Variants in STK32A observed in about 807,000 individuals in gnomAD.
STK32A encodes serine/threonine kinase 32A.
STK32A carries 41 observed loss-of-function variants against 53.2 expected under a neutral mutation model. That is an observed-to-expected ratio of 0.77 (90% CI 0.60 to 1.00). The LOEUF (loss-of-function observed/expected upper bound fraction) is 1.00, where lower values mean the gene tolerates loss of function less well. STK32A is among the 50% of genes least tolerant of loss of function. The pLI is 0.00. For synonymous variants in STK32A, 166 were observed against 162.8 expected, an observed-to-expected ratio of 1.02 and a Z score of -0.15; for missense variants, 458 against 485.8, an observed-to-expected ratio of 0.94 and a Z score of 0.54.
At chr5:147,383,636 A>C (rs1581160882) in intron 12 of STK32A, 131 bp downstream of exon 12, 20 of 883,632 alleles carry the variant, frequency 2.3e-5, no homozygotes, top group Non-Finnish European at 3.4e-5. Flanking sequence ...GCAATCTATT[A>C]TAGAAAATGT....
At chr5:147,372,269 C>CTT (rs71274369) in intron 9 of STK32A, among the ~76,000 whole-genome samples, 2,017 of 49,448 alleles carry the variant, frequency 0.041, 292 homozygotes, top group East Asian at 0.12. Context: ...TGGGCTTGGC[C>CTT]TTTTTTTTTT....
chr5:147,253,839 AG>A (rs1754106468), intron 2 of STK32A, among the ~76,000 whole-genome samples: 1 of 152,212 alleles, frequency 6.6e-6, no homozygotes, highest in Non-Finnish European at 1.5e-5. Context: ...AGTGCTTAGA[AG>A]GCAAACGTAT....
intron 5 of STK32A, among the ~76,000 whole-genome samples, chr5:147,327,150 CTTTG>C (rs929234978): frequency 6.6e-6 from 1 of 152,108 alleles, no homozygotes; most frequent in African/African-American, 2.4e-5. Context: ...GCAGTGATCC[CTTTG>C]TTTAAGGAAT....
intron 2 of STK32A, among the ~76,000 whole-genome samples, chr5:147,254,820 T>A (rs1483827467): frequency 1.3e-5 from 2 of 151,796 alleles, no homozygotes; most frequent in African/African-American, 4.8e-5. Context: ...ATCAAAAAGG[T>A]TGCTTTATGA....
chr5:147,376,628 C>A (rs1198229188), intron 11 of STK32A, among the ~76,000 whole-genome samples: 1 of 152,116 alleles, frequency 6.6e-6, no homozygotes. Flanking sequence ...CCACTCTGAC[C>A]CTCACTTAAA....
chr5:147,358,259 T>G (rs966946610), intron 7 of STK32A, among the ~76,000 whole-genome samples: 3 of 152,146 alleles, frequency 2.0e-5, no homozygotes, highest in African/African-American at 7.2e-5. Flanking sequence ...ACTCACCAGA[T>G]TGGCAATAAA....
At chr5:147,311,992 G>T (rs1276375209) in intron 4 of STK32A, among the ~76,000 whole-genome samples, 1 of 152,224 alleles carries the variant, frequency 6.6e-6, no homozygotes. Context: ...TTGTCAAGGA[G>T]AGGCCAGGAA....
chr5:147,239,089 C>A (rs1445761301), intron 1 of STK32A, among the ~76,000 whole-genome samples: 1 of 152,126 alleles, frequency 6.6e-6, no homozygotes, highest in East Asian at 1.9e-4. Context: ...GTGGTCAAGT[C>A]CAACCCAGAA....
At chr5:147,302,332 G>A (rs922628305) in intron 4 of STK32A, among the ~76,000 whole-genome samples, 1 of 152,092 alleles carries the variant, frequency 6.6e-6, no homozygotes, top group Non-Finnish European at 1.5e-5. Context: ...GAGTTTATTC[G>A]AGTACAAAGT....
intron 2 of STK32A, among the ~76,000 whole-genome samples, chr5:147,245,765 A>G (rs1753748540): frequency 1.3e-5 from 2 of 152,340 alleles, no homozygotes; most frequent in Admixed American, 1.3e-4. Context: ...CTGAGTTTGC[A>G]GAGAGTTCAA....
At chr5:147,324,096 C>T in intron 5 of STK32A, 25 bp downstream of exon 5, 3 of 1,574,856 alleles carry the variant, frequency 1.9e-6, no homozygotes, top group Non-Finnish European at 2.6e-6. Context: ...AGGAGATGGC[C>T]ATGAACGTAA....
chr5:147,299,779 G>A (rs906876371), intron 4 of STK32A, among the ~76,000 whole-genome samples: 4 of 152,140 alleles, frequency 2.6e-5, no homozygotes, highest in Non-Finnish European at 5.9e-5. Context: ...TAACTTGTTC[G>A]CCAAAAATTT....
At chr5:147,319,139 CTTT>C (rs146817721) in intron 4 of STK32A, among the ~76,000 whole-genome samples, 14 of 100,548 alleles carry the variant, frequency 1.4e-4, no homozygotes, top group African/African-American at 4.0e-4. Context: ...ACAACTGGTA[CTTT>C]TTTTTTTTTT....
chr5:147,351,282 G>T, intron 7 of STK32A, 128 bp downstream of exon 7: 1 of 726,110 alleles, frequency 1.4e-6, no homozygotes, highest in South Asian at 1.9e-5. Context: ...TGGAGCTTCT[G>T]ATTTCATGGG....
At chr5:147,329,107 C>T (rs1420798490) in intron 5 of STK32A, among the ~76,000 whole-genome samples, 1 of 152,082 alleles carries the variant, frequency 6.6e-6, no homozygotes, top group Non-Finnish European at 1.5e-5. Flanking sequence ...AATTTCATTT[C>T]CCATTGAGTA....
rs377327563 is a variant in STK32A at position 147,276,982 on chromosome 5, G to C, written c.53-1142G>C. On this transcript the variant is annotated intron_variant, in intron 2 of 12. Coordinates refer to ENST00000397936, the MANE Select transcript of STK32A (RefSeq NM_001112724.2). ...ACTAAGTGGGTTTTGTGATAGAAAG[G>C]GAATTTGGAGTTGAGAAGAGAAAGT... is the stretch of plus-strand genomic sequence containing the variant. Among the ~76,000 whole-genome samples, 75 of 152,184 alleles carry C rather than the reference G, an allele frequency of 4.9e-4. 1 individual carries two copies. The highest frequency in any genetic ancestry group is 1.8e-3 in the African/African-American group (73 of 41,516).
chr5:147,248,247 C>T (rs765828303), intron 2 of STK32A, among the ~76,000 whole-genome samples: 3 of 152,008 alleles, frequency 2.0e-5, no homozygotes, highest in Non-Finnish European at 2.9e-5. Context: ...ATCTTGCAGA[C>T]ATTTCTTCAT....
chr5:147,366,332 T>A (rs1756744090), intron 8 of STK32A, among the ~76,000 whole-genome samples: 1 of 152,238 alleles, frequency 6.6e-6, no homozygotes. Context: ...CTGCGTAAGA[T>A]TTGAAATCAC....
In STK32A at chr5:147,361,626, G is replaced by T. The variant is rs1456576579; in HGVS notation, c.660+12G>T. ...TGCTGAGAGGCCGGGTACTGTAGTA[G>T]CATTTCCTCTTTGGTTATTTTTCCA... On this transcript the variant is annotated intron_variant, in intron 8 of 12. Transcript: ENST00000397936. The T allele has an allele frequency of 6.4e-7, 1 of 1,566,866 alleles. No homozygotes were observed. Among genetic ancestry groups the T allele is most frequent in the South Asian group, 1.1e-5 (1 of 89,086 alleles).
Sources: gnomAD v4.1 joint callset for allele counts (sites outside exome capture counted in the v4.1 genomes callset) on GRCh38, gnomAD v4.1.1 for gene constraint, MANE v1.5 for transcripts, NCBI Gene and HGNC (gene_info 2026-07-23, HGNC 2026-07-21) for gene names.